TCP11L2: variants seen among roughly 807,000 people sequenced by gnomAD.
TCP11L2 encodes the protein T-complex protein 11-like protein 2.
A neutral mutation model predicts 50.7 loss-of-function variants in TCP11L2; 39 were observed. The observed-to-expected ratio is 0.77, with a 90% CI of 0.60 to 1.01. The LOEUF (loss-of-function observed/expected upper bound fraction) is 1.01. TCP11L2 is among the 50% of genes least tolerant of loss of function. The probability of loss-of-function intolerance (pLI) is 0.00; values close to 1 mark genes in which losing one functional copy is unlikely to be tolerated. For synonymous variants in TCP11L2, 192 were observed against 219.3 expected, an observed-to-expected ratio of 0.88 and a Z score of 1.10; for missense variants, 612 against 614.7, an observed-to-expected ratio of 1.00 and a Z score of 0.05.
At chr12:106,298,435 T>C (rs1366795546), upstream of TCP11L2, among the ~76,000 whole-genome samples, 3 of 152,244 alleles carry the variant, frequency 2.0e-5, no homozygotes. Context: ...TCACTGATTT[T>C]TGGCCCTTTC....
intron 9 of TCP11L2, 29 bp from the exon 10 acceptor site, chr12:106,346,257 A>G: frequency 6.4e-7 from 1 of 1,574,370 alleles, no homozygotes; most frequent in South Asian, 1.2e-5. Context: ...AATAATGGAC[A>G]GATAAAAGTA....
chr12:106,299,972 G>A (rs1044017844), upstream of TCP11L2, among the ~76,000 whole-genome samples: 1 of 152,008 alleles, frequency 6.6e-6, no homozygotes, highest in Non-Finnish European at 1.5e-5. Flanking sequence ...ATTTTGATCT[G>A]CCCTTAGTCT....
intron 3 of TCP11L2, among the ~76,000 whole-genome samples, chr12:106,315,803 A>G (rs1781845051): frequency 6.6e-6 from 1 of 152,198 alleles, no homozygotes; most frequent in African/African-American, 2.4e-5. Context: ...CAAAGAGAAG[A>G]GGCTTGAGAC....
Position 106,314,478 on chromosome 12 carries a change from C to T in TCP11L2, c.278C>T (p.Ala93Val), listed in dbSNP as rs766083284. The change falls in exon 3 of 10, where the codon GCT becomes GTT. Residue 93 changes from alanine to valine, a missense_variant. Transcript: ENST00000299045. ...GAGAACTTTCAATTGAAACAAGAGGCTCTCCCAGAAAAGAGGTAACCTGGG... is the reference window on the plus strand; with the variant it reads ...GAGAACTTTCAATTGAAACAAGAGGTTCTCCCAGAAAAGAGGTAACCTGGG... Reference protein sequence around the residue: ...VNENFQLKQEALPEKSLAGRV... With the variant: ...VNENFQLKQEVLPEKSLAGRV... 2.7e-5 allele frequency: 43 copies of T among 1,611,486 alleles called. No individual in the cohort carries two copies. Among genetic ancestry groups the T allele is most frequent in the Non-Finnish European group, 3.2e-5 (38 of 1,178,658 alleles).
rs2253838 is a variant in TCP11L2, at chr12:106,314,500, T to A, written c.293+7T>A. 1.8e-5 allele frequency: 29 copies of A among 1,605,374 alleles called. No homozygotes were observed. The highest frequency in any genetic ancestry group is 2.3e-5 in the Non-Finnish European group (27 of 1,174,322). The stretch of plus-strand genomic sequence containing the variant: ...AGGCTCTCCCAGAAAAGAGGTAACC[T>A]GGGGGCATTTGTTGTATATAAACTG... On this transcript the variant is annotated splice_region_variant and intron_variant, in intron 3 of 9. Coordinates refer to ENST00000299045, the MANE Select transcript of TCP11L2 (RefSeq NM_152772.3).
At chr12:106,322,166 C>T (rs1369232357) in intron 5 of TCP11L2, among the ~76,000 whole-genome samples, 2 of 152,184 alleles carry the variant, frequency 1.3e-5, no homozygotes, top group Non-Finnish European at 2.9e-5. Context: ...GTTTGTTTCT[C>T]ATGTCACAGT....
intron 9 of TCP11L2, 130 bp downstream of exon 9, chr12:106,341,128 T>C (rs1225388946): frequency 2.7e-6 from 2 of 752,754 alleles, no homozygotes; most frequent in African/African-American, 3.6e-5. Context: ...ATTGAAAATA[T>C]CAAGAAATAT....
chr12:106,326,657 A>T (rs2035555942), intron 6 of TCP11L2, among the ~76,000 whole-genome samples: 1 of 152,162 alleles, frequency 6.6e-6, no homozygotes. Flanking sequence ...TAAGGTACTT[A>T]GTCTAGATGA....
Position 106,314,305 on chromosome 12 carries a change from T to C in TCP11L2, c.158-53T>C, listed in dbSNP as rs571451180. On this transcript the variant is annotated intron_variant, in intron 2 of 9. Transcript: ENST00000299045. The stretch of plus-strand genomic sequence containing the variant: ...ACCTTATCTGCATCAGGAGGCTTCG[T>C]TGGATGACAACTTTTCTTCTGCAAC... The C allele has an allele frequency of 1.1e-5, 18 of 1,580,766 alleles. No individual in the cohort carries two copies. The South Asian group carries it at 1.3e-4, about 12-fold the overall frequency.
In TCP11L2 at chr12:106,346,544, T is replaced by C. The variant is rs199813367; in HGVS notation, c.*14T>C. On this transcript the variant is annotated 3_prime_UTR_variant, in exon 10 of 10. Transcript: ENST00000299045. The stretch of plus-strand genomic sequence containing the variant: ...CCTACTAACTAAAGAAGAACTGACA[T>C]TGGACGAGAGATTGGAAATCCAGTA... 2 of 1,604,570 alleles carry C rather than the reference T, an allele frequency of 1.2e-6. No individual in the cohort carries two copies. Among genetic ancestry groups the C allele is most frequent in the East Asian group, 2.2e-5 (1 of 44,798 alleles).
chr12:106,306,706 C>G (rs2034645103), intron 1 of TCP11L2, among the ~76,000 whole-genome samples: 1 of 152,172 alleles, frequency 6.6e-6, no homozygotes, highest in Non-Finnish European at 1.5e-5. Context: ...ATCCGTCAGG[C>G]ACTTACTAGG....
chr12:106,320,845 C>CTG (rs1196899690), intron 4 of TCP11L2, among the ~76,000 whole-genome samples: 4 of 152,194 alleles, frequency 2.6e-5, no homozygotes, highest in Non-Finnish European at 5.9e-5. Context: ...TATTTTTGAA[C>CTG]TGTGTGGTGG....
At chr12:106,339,792 ACAAT>A in intron 8 of TCP11L2, among the ~76,000 whole-genome samples, 1 of 152,384 alleles carries the variant, frequency 6.6e-6, no homozygotes, top group East Asian at 1.9e-4. Context: ...AAATTTTATT[ACAAT>A]CAGTCTATCC....
chr12:106,302,397 GCCCCCGC>G (rs2034446774), upstream of TCP11L2, among the ~76,000 whole-genome samples: 3 of 66,874 alleles, frequency 4.5e-5, no homozygotes, highest in Admixed American at 1.5e-4. Flanking sequence ...CCCCCGCTCA[GCCCCCGC>G]TCAGCCCCCG....
At chr12:106,334,268 A>T (rs193170679) in intron 6 of TCP11L2, among the ~76,000 whole-genome samples, 1 of 152,252 alleles carries the variant, frequency 6.6e-6, no homozygotes, top group Admixed American at 6.5e-5. Flanking sequence ...GGTAGGAAGG[A>T]CATGTTTGTT....
intron 9 of TCP11L2, 94 bp downstream of exon 9, chr12:106,341,092 A>G: frequency 1.0e-6 from 1 of 989,660 alleles, no homozygotes; most frequent in South Asian, 1.6e-5. Context: ...GATCTTAAAC[A>G]CATTACCCAC....
intron 6 of TCP11L2, among the ~76,000 whole-genome samples, chr12:106,333,664 A>G (rs1456232927): frequency 1.3e-5 from 2 of 152,150 alleles, no homozygotes; most frequent in African/African-American, 2.4e-5. Flanking sequence ...TATATATGTG[A>G]AAAAAACAAA....
At chr12:106,322,406 G>A (rs2035372812) in intron 5 of TCP11L2, among the ~76,000 whole-genome samples, 1 of 152,160 alleles carries the variant, frequency 6.6e-6, no homozygotes, top group South Asian at 2.1e-4. Context: ...GATTGAAAGG[G>A]GAGTTGAGAA....
intron 6 of TCP11L2, among the ~76,000 whole-genome samples, chr12:106,326,621 C>A (rs1225619899): frequency 2.0e-5 from 3 of 152,132 alleles, no homozygotes; most frequent in African/African-American, 7.2e-5. Context: ...GTTATCACCC[C>A]CTAATACAAC....
Sources: gnomAD v4.1 joint callset for allele counts (sites outside exome capture counted in the v4.1 genomes callset) on GRCh38, gnomAD v4.1.1 for gene constraint, MANE v1.5 for transcripts, NCBI Gene and HGNC (gene_info 2026-07-23, HGNC 2026-07-21) for gene names.